AKAP19: variants seen among roughly 807,000 people sequenced by gnomAD.
AKAP19 encodes the protein small A-kinase anchoring protein.
At chr2:190,131,427 T>G in the AKAP19 span, among the ~76,000 whole-genome samples, 1 of 152,192 alleles carries the variant, frequency 6.6e-6, no homozygotes, top group Non-Finnish European at 1.5e-5. Flanking sequence ...GAATGGATAG[T>G]GGAGGTTCCT....
the AKAP19 span, among the ~76,000 whole-genome samples, chr2:190,176,397 G>C: frequency 6.6e-6 from 1 of 152,176 alleles, no homozygotes; most frequent in African/African-American, 2.4e-5. This position sits in a 1 kb window ranked among gnomAD's most constrained non-coding sequence, Gnocchi z 4.7. Flanking sequence ...ACCCGGGCTG[G>C]AGTGCAATGG....
chr2:190,012,119 CA>C, the AKAP19 span, among the ~76,000 whole-genome samples: 4 of 151,970 alleles, frequency 2.6e-5, no homozygotes, highest in Admixed American at 2.6e-4. Flanking sequence ...ATCAAAGTTT[CA>C]TAGTTTTCAG....
chr2:189,964,736 C>G, the AKAP19 span, among the ~76,000 whole-genome samples: 1 of 152,200 alleles, frequency 6.6e-6, no homozygotes, highest in South Asian at 2.1e-4. Context: ...CCTGGAGCTT[C>G]TTTATCTCTC....
the AKAP19 span, among the ~76,000 whole-genome samples, chr2:189,892,212 C>A: frequency 1.3e-5 from 2 of 151,954 alleles, no homozygotes; most frequent in Non-Finnish European, 2.9e-5. Flanking sequence ...CGTTATTACC[C>A]ACCTTCTGAA....
the AKAP19 span, among the ~76,000 whole-genome samples, chr2:190,007,326 T>C: frequency 6.6e-6 from 1 of 152,222 alleles, no homozygotes. Flanking sequence ...ACATCCGTTC[T>C]CTCACTTTAT....
the AKAP19 span, among the ~76,000 whole-genome samples, chr2:189,980,675 C>T: frequency 2.0e-5 from 3 of 152,162 alleles, no homozygotes; most frequent in African/African-American, 7.2e-5. Context: ...AATGTGTACA[C>T]ATTTTGTACG....
the AKAP19 span, among the ~76,000 whole-genome samples, chr2:190,191,427 G>A: frequency 2.0e-5 from 3 of 152,200 alleles, no homozygotes; most frequent in African/African-American, 7.2e-5. Context: ...TTACAGGCAT[G>A]CGCCACCGTC....
At chr2:189,904,388 G>A in the AKAP19 span, among the ~76,000 whole-genome samples, 63 of 152,098 alleles carry the variant, frequency 4.1e-4, no homozygotes, top group African/African-American at 1.4e-3. Context: ...CACCATGCCA[G>A]CATTATACAC....
the AKAP19 span, among the ~76,000 whole-genome samples, chr2:190,071,795 C>T: frequency 2.0e-5 from 3 of 151,164 alleles, no homozygotes; most frequent in African/African-American, 2.4e-5. Context: ...AGATGTAGAA[C>T]AAAATGATTA....
chr2:190,006,373 C>T, the AKAP19 span, among the ~76,000 whole-genome samples: 319 of 152,296 alleles, frequency 2.1e-3, no homozygotes, highest in African/African-American at 7.4e-3. Context: ...TATGGTTGGG[C>T]GCGGTGGCTC....
At chr2:190,050,280 G>A in the AKAP19 span, among the ~76,000 whole-genome samples, 3 of 152,142 alleles carry the variant, frequency 2.0e-5, no homozygotes, top group Non-Finnish European at 4.4e-5. Context: ...TGCTGTGATT[G>A]GCTGACATGC....
chr2:190,014,262 T>A, the AKAP19 span, among the ~76,000 whole-genome samples: 2 of 152,208 alleles, frequency 1.3e-5, no homozygotes. Flanking sequence ...AGGGTTTAAT[T>A]GACTCACAGT....
At chr2:190,122,498 G>C in the AKAP19 span, among the ~76,000 whole-genome samples, 2 of 152,148 alleles carry the variant, frequency 1.3e-5, no homozygotes, top group African/African-American at 4.8e-5. Flanking sequence ...TGTTTAATCA[G>C]TTTCACTTTA....
the AKAP19 span, among the ~76,000 whole-genome samples, chr2:190,071,997 A>G: frequency 6.6e-6 from 1 of 152,194 alleles, no homozygotes; most frequent in Non-Finnish European, 1.5e-5. Context: ...GCATGGAACG[A>G]TTTAATAAAA....
the AKAP19 span, among the ~76,000 whole-genome samples, chr2:190,075,266 T>C: frequency 4.8e-3 from 735 of 152,302 alleles, 15 homozygotes; most frequent in East Asian, 0.052. Context: ...GTATTATTTA[T>C]ATCATTTTAC....
the AKAP19 span, among the ~76,000 whole-genome samples, chr2:190,042,752 G>T: frequency 6.6e-6 from 1 of 152,166 alleles, no homozygotes; most frequent in Non-Finnish European, 1.5e-5. Context: ...CGAGTCATTT[G>T]TTTGTGTGGT....
chr2:190,012,445 G>C, the AKAP19 span, among the ~76,000 whole-genome samples: 1 of 152,088 alleles, frequency 6.6e-6, no homozygotes, highest in Non-Finnish European at 1.5e-5. Context: ...GTATAGAAAT[G>C]CTACTGATTT....
chr2:190,085,137 G>C, the AKAP19 span, among the ~76,000 whole-genome samples: 2 of 152,132 alleles, frequency 1.3e-5, no homozygotes, highest in South Asian at 2.1e-4. Flanking sequence ...TGCCAGGGTA[G>C]GGAATATGTG....
the AKAP19 span, among the ~76,000 whole-genome samples, chr2:190,134,779 C>T: frequency 8.1e-6 from 1 of 124,012 alleles, no homozygotes; most frequent in Non-Finnish European, 1.7e-5. Flanking sequence ...TGCATTTTCC[C>T]AAGGGTGCAT....
Sources: gnomAD v4.1 joint callset for allele counts (sites outside exome capture counted in the v4.1 genomes callset) on GRCh38, gnomAD v4.1.1 for gene constraint, Gnocchi (gnomAD v3.1) non-coding constraint, MANE v1.5 for transcripts, NCBI Gene and HGNC (gene_info 2026-07-23, HGNC 2026-07-21) for gene names.